RABGAP1L: variants seen among roughly 807,000 people sequenced by gnomAD.
RABGAP1L encodes RAB GTPase activating protein 1 like.
A neutral mutation model predicts 137.7 loss-of-function variants in RABGAP1L; 63 were observed. The ratio of observed to expected loss-of-function variants is 0.46; its 90% CI spans 0.37 to 0.56. The LOEUF (loss-of-function observed/expected upper bound fraction) is 0.56, where lower values mean the gene tolerates loss of function less well. Ranked by LOEUF, RABGAP1L falls within the 20% of genes least tolerant of loss-of-function variation. The pLI is 0.00. For missense variants in RABGAP1L, 1,095 were observed against 1,244.0 expected, an observed-to-expected ratio of 0.88 and a Z score of 1.80; for synonymous variants, 431 against 433.7, an observed-to-expected ratio of 0.99 and a Z score of 0.08.
At chr1:174,202,766 A>G (rs917006462) in intron 1 of RABGAP1L, among the ~76,000 whole-genome samples, 22 of 152,160 alleles carry the variant, frequency 1.4e-4, no homozygotes, top group African/African-American at 5.1e-4. Flanking sequence ...GTTTTCTTCT[A>G]GGGTTTTTAT....
chr1:174,632,961 G>A (rs1309326488), intron 13 of RABGAP1L, among the ~76,000 whole-genome samples: 4 of 152,074 alleles, frequency 2.6e-5, no homozygotes, highest in Non-Finnish European at 5.9e-5. Flanking sequence ...TGGAGGAGGA[G>A]AGGCGCTCTG....
chr1:174,814,808 C>T (rs1054784027), intron 19 of RABGAP1L, among the ~76,000 whole-genome samples: 7 of 152,108 alleles, frequency 4.6e-5, no homozygotes. Context: ...CCTGCCTCAG[C>T]CTCCTGAGTA....
At chr1:174,817,219 G>C (rs1690531171) in intron 19 of RABGAP1L, among the ~76,000 whole-genome samples, 1 of 152,086 alleles carries the variant, frequency 6.6e-6, no homozygotes, top group African/African-American at 2.4e-5. Flanking sequence ...TATTTCATTA[G>C]TAAAATAATT....
intron 13 of RABGAP1L, among the ~76,000 whole-genome samples, chr1:174,581,363 G>A (rs1205697848): frequency 6.6e-6 from 1 of 152,150 alleles, no homozygotes; most frequent in Non-Finnish European, 1.5e-5. Flanking sequence ...GCAGTAAAAA[G>A]GAATGAAGCA....
At chr1:174,210,870 A>G (rs1368910048) in intron 1 of RABGAP1L, among the ~76,000 whole-genome samples, 2 of 152,214 alleles carry the variant, frequency 1.3e-5, no homozygotes, top group African/African-American at 4.8e-5. Context: ...AACAAATAAC[A>G]TATAATGGAG....
At chr1:174,574,923 A>G (rs1177410271) in intron 13 of RABGAP1L, among the ~76,000 whole-genome samples, 4 of 152,060 alleles carry the variant, frequency 2.6e-5, no homozygotes, top group African/African-American at 9.7e-5. Flanking sequence ...TTTTCTTTGA[A>G]AAGTTTGTTT....
intron 12 of RABGAP1L, among the ~76,000 whole-genome samples, chr1:174,378,594 G>A (rs1344623237): frequency 6.6e-6 from 1 of 152,110 alleles, no homozygotes; most frequent in African/African-American, 2.4e-5. Flanking sequence ...CTCTTGAGAA[G>A]TGTCTGTTCA....
chr1:174,957,065 CTA>C (rs1668610516), intron 19 of RABGAP1L, among the ~76,000 whole-genome samples: 1 of 152,140 alleles, frequency 6.6e-6, no homozygotes, highest in African/African-American at 2.4e-5. Context: ...ATTAATAGCA[CTA>C]TTAAATACAT....
intron 13 of RABGAP1L, among the ~76,000 whole-genome samples, chr1:174,509,324 A>T (rs1339331011): frequency 1.3e-5 from 2 of 152,168 alleles, no homozygotes. Flanking sequence ...CTTATAAATT[A>T]AAAACATTCA....
At chr1:174,978,778 C>G in intron 22 of RABGAP1L, 29 bp from the exon 23 acceptor site, 3 of 1,513,274 alleles carry the variant, frequency 2.0e-6, no homozygotes, top group Middle Eastern at 3.7e-4. Flanking sequence ...TTGGCTAAAT[C>G]CTGATATTTC....
At chr1:174,924,715 T>C (rs1308674225) in intron 19 of RABGAP1L, among the ~76,000 whole-genome samples, 2 of 152,184 alleles carry the variant, frequency 1.3e-5, no homozygotes, top group Admixed American at 1.3e-4. Flanking sequence ...GGCACGATGG[T>C]GGCAACTTAT....
chr1:174,470,827 A>G (rs1257440000), intron 13 of RABGAP1L, among the ~76,000 whole-genome samples: 1 of 152,144 alleles, frequency 6.6e-6, no homozygotes, highest in African/African-American at 2.4e-5. Flanking sequence ...AGAACAGACC[A>G]TACCAATTAA....
At chr1:174,191,514 C>T (rs1179670356) in intron 1 of RABGAP1L, among the ~76,000 whole-genome samples, 1 of 152,174 alleles carries the variant, frequency 6.6e-6, no homozygotes, top group Non-Finnish European at 1.5e-5. Flanking sequence ...GTAGTATAGC[C>T]TTGGGGAAAA....
chr1:174,190,857 A>T (rs1456042222), intron 1 of RABGAP1L, among the ~76,000 whole-genome samples: 1 of 152,168 alleles, frequency 6.6e-6, no homozygotes, highest in Non-Finnish European at 1.5e-5. Context: ...TTTTCCTTTC[A>T]TTTGAACACT....
chr1:174,913,390 C>T (rs572633780), intron 19 of RABGAP1L, among the ~76,000 whole-genome samples: 11 of 152,322 alleles, frequency 7.2e-5, no homozygotes, highest in African/African-American at 1.9e-4. Flanking sequence ...AGGGTAGCAG[C>T]ACTAAACCTT....
chr1:174,224,329 G>A (rs1254632879), intron 3 of RABGAP1L, among the ~76,000 whole-genome samples: 6 of 152,010 alleles, frequency 3.9e-5, no homozygotes, highest in Admixed American at 3.9e-4. Flanking sequence ...ACAAAAATTA[G>A]CCGGGCATGG....
chr1:174,730,144 C>A (rs375442401), intron 17 of RABGAP1L, among the ~76,000 whole-genome samples: 2 of 152,146 alleles, frequency 1.3e-5, no homozygotes, highest in African/African-American at 2.4e-5. Flanking sequence ...AAAATCATGT[C>A]GCTTAAAGCA....
chr1:174,510,153 G>A (rs950932636), intron 13 of RABGAP1L, among the ~76,000 whole-genome samples: 12 of 152,136 alleles, frequency 7.9e-5, no homozygotes, highest in Non-Finnish European at 1.8e-4. Flanking sequence ...CATTTGCAAG[G>A]CCTGTCCCAG....
intron 13 of RABGAP1L, among the ~76,000 whole-genome samples, chr1:174,624,547 T>C (rs1032049010): frequency 3.9e-5 from 6 of 152,282 alleles, no homozygotes; most frequent in Admixed American, 3.3e-4. Context: ...CAAGTAGGAG[T>C]ATATTATTCA....
Sources: gnomAD v4.1 joint callset for allele counts (sites outside exome capture counted in the v4.1 genomes callset) on GRCh38, gnomAD v4.1.1 for gene constraint, MANE v1.5 for transcripts, NCBI Gene and HGNC (gene_info 2026-07-23, HGNC 2026-07-21) for gene names.